The following TRIM37 variants were observed in gnomAD, a reference collection of about 807,000 sequenced individuals.
The protein encoded by TRIM37 is tripartite motif containing 37.
In TRIM37, 80 loss-of-function variants were observed where a neutral mutation model predicts 129.8. That is an observed-to-expected ratio of 0.62 (90% CI 0.51 to 0.74). The LOEUF is 0.74. Ranked by LOEUF, TRIM37 falls within the 30% of genes least tolerant of loss-of-function variation. The pLI, the probability that TRIM37 is intolerant of heterozygous loss-of-function variation, is 0.00. For synonymous variants in TRIM37, 389 were observed against 387.1 expected (o/e 1.00, Z -0.06); for missense variants, 1,054 against 1,176.5 (o/e 0.90, Z 1.52).
At chr17:58,993,138 C>T (rs2032617506) in intron 24 of TRIM37, among the ~76,000 whole-genome samples, 1 of 152,228 alleles carries the variant, frequency 6.6e-6, no homozygotes, top group East Asian at 1.9e-4. Flanking sequence ...GGGGGAGTTT[C>T]CCTGCACAAG....
intron 17 of TRIM37, among the ~76,000 whole-genome samples, chr17:59,032,697 G>A (rs1428215911): frequency 6.6e-6 from 1 of 152,050 alleles, no homozygotes; most frequent in African/African-American, 2.4e-5. Context: ...CACAATTGGG[G>A]GGATGAGAGG....
chr17:59,055,983 C>T (rs2040832141), intron 13 of TRIM37, among the ~76,000 whole-genome samples: 1 of 152,126 alleles, frequency 6.6e-6, no homozygotes, highest in Non-Finnish European at 1.5e-5. Flanking sequence ...CATCTTGACT[C>T]TTCTACTTTT....
At chr17:59,055,443 C>G (rs2040762639) in intron 13 of TRIM37, among the ~76,000 whole-genome samples, 1 of 151,682 alleles carries the variant, frequency 6.6e-6, no homozygotes, top group Non-Finnish European at 1.5e-5. Context: ...GGCCTGTAAT[C>G]CCAGCACTTT....
intron 22 of TRIM37, among the ~76,000 whole-genome samples, chr17:59,010,629 AT>A (rs980794057): frequency 6.6e-5 from 10 of 152,048 alleles, no homozygotes; most frequent in Non-Finnish European, 1.2e-4. Flanking sequence ...AGTAGCTGGG[AT>A]TACAGGTGTC....
Position 58,998,929 on chromosome 17 carries a change from A to G in TRIM37, c.*448T>C. 9.7e-7 allele frequency: 1 copy of G among 1,030,676 alleles called. No individual in the cohort carries two copies. The highest frequency in any genetic ancestry group is 1.2e-6 in the Non-Finnish European group (1 of 856,816). 63.8% of individuals were successfully genotyped at this position (1,030,676 alleles called of 1,614,324 possible). ...ATTTTCTGTTCACTAATCTACAGGC[A>G]CTAATGGAACTGTAATTAAAACCCC... On this transcript the variant is annotated 3_prime_UTR_variant, in exon 24 of 24. Coordinates refer to ENST00000262294, the MANE Select transcript of TRIM37 (RefSeq NM_015294.6).
chr17:59,061,191 G>T, intron 11 of TRIM37, 83 bp from the exon 12 acceptor site: 2 of 1,041,490 alleles, frequency 1.9e-6, no homozygotes, highest in Non-Finnish European at 1.5e-6. Flanking sequence ...TATCTAGATT[G>T]AGAAGTACTT....
In TRIM37 at chr17:59,100,941, G is replaced by A. The variant is rs2045398979; in HGVS notation, c.123+3352C>T. Among the ~76,000 whole-genome samples the A allele has an allele frequency of 2.0e-5, 3 of 149,768 alleles. No individual in the cohort carries two copies. The South Asian group carries it at 6.3e-4, about 32-fold the overall frequency. ...GGAGGCTGAGGCAGGAGAATCACTC[G>A]AACCCAGGAGATGGAGGTTGCAGTG... On this transcript the variant is annotated intron_variant, in intron 2 of 23. Transcript: ENST00000262294.
chr17:58,980,709 G>A, downstream of TRIM37: 1 of 1,614,198 alleles, frequency 6.2e-7, no homozygotes. The surrounding 1 kb of genome is among the most constrained non-coding windows in gnomAD (Gnocchi z 4.7). Context: ...TCTCCTGTCT[G>A]TTCAGGGTTG....
chr17:59,098,587 C>T (rs934615662), intron 2 of TRIM37, among the ~76,000 whole-genome samples: 2 of 151,108 alleles, frequency 1.3e-5, no homozygotes, highest in African/African-American at 2.4e-5. Flanking sequence ...ACTGCTTGAG[C>T]CCAAGAGATT....
intron 11 of TRIM37, 124 bp downstream of exon 11, chr17:59,062,443 T>G: frequency 1.3e-6 from 1 of 761,632 alleles, no homozygotes; most frequent in South Asian, 1.6e-5. Flanking sequence ...GAACAGGGAA[T>G]GCGGACAGCA....
intron 9 of TRIM37, among the ~76,000 whole-genome samples, chr17:59,065,664 A>T (rs1462301808): frequency 6.6e-6 from 1 of 152,204 alleles, no homozygotes; most frequent in Non-Finnish European, 1.5e-5. Flanking sequence ...TGATATATAA[A>T]ATTACAAATT....
the TRIM37 span, among the ~76,000 whole-genome samples, chr17:58,970,076 G>A: frequency 1.3e-5 from 2 of 152,116 alleles, no homozygotes; most frequent in African/African-American, 4.8e-5. Flanking sequence ...GACAAGATCT[G>A]GATATGGTGA....
intron 22 of TRIM37, among the ~76,000 whole-genome samples, chr17:59,006,353 G>C (rs2034482030): frequency 6.6e-6 from 1 of 152,116 alleles, no homozygotes; most frequent in Admixed American, 6.5e-5. Context: ...CATATTTTTT[G>C]AGCACCTACT....
chr17:58,992,307 A>G (rs1027629135), intron 24 of TRIM37, among the ~76,000 whole-genome samples: 1 of 125,274 alleles, frequency 8.0e-6, no homozygotes, highest in South Asian at 2.5e-4. Context: ...TTATATATAT[A>G]TAAATACATA....
chr17:59,088,473 G>A (rs996337041), intron 3 of TRIM37, 66 bp from the exon 4 acceptor site: 16 of 1,016,414 alleles, frequency 1.6e-5, no homozygotes, highest in African/African-American at 3.2e-5. Flanking sequence ...AAATAAATAC[G>A]TTTCTCAAAA....
chr17:59,014,052 A>G (rs2035612614), intron 21 of TRIM37, among the ~76,000 whole-genome samples: 1 of 152,224 alleles, frequency 6.6e-6, no homozygotes, highest in African/African-American at 2.4e-5. Context: ...AAATATCTCC[A>G]TAGCAAATAA....
At chr17:59,055,063 G>A (rs1018465571) in intron 13 of TRIM37, among the ~76,000 whole-genome samples, 3 of 151,986 alleles carry the variant, frequency 2.0e-5, no homozygotes, top group Non-Finnish European at 4.4e-5. Context: ...TTGGCCAGAC[G>A]TGGTGGCTCA....
chr17:59,074,599 G>C (rs765409907), intron 8 of TRIM37, among the ~76,000 whole-genome samples: 1 of 152,182 alleles, frequency 6.6e-6, no homozygotes, highest in African/African-American at 2.4e-5. Flanking sequence ...TGAGGGAAGT[G>C]TGATGTTAAA....
At chr17:59,056,822 G>C (rs1208169292) in intron 13 of TRIM37, 53 bp downstream of exon 13, 16 of 1,290,730 alleles carry the variant, frequency 1.2e-5, no homozygotes, top group African/African-American at 4.6e-5. Context: ...ATATAGTTCT[G>C]ATGATATTAT....
Sources: gnomAD v4.1 joint callset for allele counts (sites outside exome capture counted in the v4.1 genomes callset) on GRCh38, gnomAD v4.1.1 for gene constraint, Gnocchi (gnomAD v3.1) non-coding constraint, MANE v1.5 for transcripts, NCBI Gene and HGNC (gene_info 2026-07-23, HGNC 2026-07-21) for gene names.